The following RSU1 variants were observed in gnomAD, a reference collection of about 807,000 sequenced individuals.
RSU1 encodes the protein rsu-1.
Under a neutral mutation model 31.1 loss-of-function variants are expected in RSU1, and 26 were observed. That is an observed-to-expected ratio of 0.84 (90% confidence interval 0.61 to 1.16). RSU1 has a LOEUF of 1.16. Ranked by LOEUF, RSU1 falls within the 50% of genes most tolerant of loss-of-function variation. The pLI, the probability that RSU1 is intolerant of heterozygous loss-of-function variation, is 0.00. For missense variants in RSU1, 320 were observed against 339.1 expected (o/e 0.94, Z 0.44); for synonymous variants, 164 against 136.3 (o/e 1.20, Z -1.41).
intron 8 of RSU1, among the ~76,000 whole-genome samples, chr10:16,614,803 G>A (rs1264204157): frequency 6.6e-6 from 1 of 152,120 alleles, no homozygotes; most frequent in East Asian, 1.9e-4. Flanking sequence ...GAGCCACCGA[G>A]GCAAGAATCG....
At chr10:16,777,933 A>G (rs1027621880) in intron 3 of RSU1, among the ~76,000 whole-genome samples, 4 of 151,402 alleles carry the variant, frequency 2.6e-5, no homozygotes, top group African/African-American at 9.7e-5. Context: ...TGTGTGCCTG[A>G]GTAACACATC....
chr10:16,740,501 T>C lies in RSU1; in HGVS notation c.598+12038A>G, dbSNP rs538770094. Among the ~76,000 whole-genome samples, 368 of 152,066 alleles carry C rather than the reference T, an allele frequency of 2.4e-3. 1 individual carries two copies. The highest frequency in any genetic ancestry group is 8.6e-3 in the African/African-American group (358 of 41,490). ...GTACTAGAAGTTGCAGCCAAAGTAA[T>C]TGCCAAGAAAATAAAATTAAAGACA... is the stretch of plus-strand genomic sequence containing the variant. On this transcript the variant is annotated intron_variant, in intron 7 of 8. Transcript: ENST00000345264.
chr10:16,762,775 G>A (rs1423272589), intron 4 of RSU1, among the ~76,000 whole-genome samples: 4 of 152,114 alleles, frequency 2.6e-5, no homozygotes, highest in Admixed American at 2.6e-4. Flanking sequence ...CAGCACTTTG[G>A]GAGGCGGAGG....
At chr10:16,640,953 A>C (rs946021765) in intron 8 of RSU1, among the ~76,000 whole-genome samples, 2 of 152,256 alleles carry the variant, frequency 1.3e-5, no homozygotes, top group Non-Finnish European at 2.9e-5. Context: ...GGGTCCTCCC[A>C]CAGCATTATT....
At chr10:16,716,231 A>C (rs1460712179) in intron 7 of RSU1, among the ~76,000 whole-genome samples, 1 of 152,222 alleles carries the variant, frequency 6.6e-6, no homozygotes, top group African/African-American at 2.4e-5. Flanking sequence ...AGGCAGGCTA[A>C]GGGAGGTGGG....
chr10:16,724,736 C>T (rs926430295), intron 7 of RSU1, among the ~76,000 whole-genome samples: 1 of 152,188 alleles, frequency 6.6e-6, no homozygotes, highest in Admixed American at 6.5e-5. Flanking sequence ...CTGCCAGTCC[C>T]AAAGTGGGGA....
chr10:16,648,404 C>T (rs1834615862), intron 8 of RSU1, among the ~76,000 whole-genome samples: 1 of 152,200 alleles, frequency 6.6e-6, no homozygotes, highest in East Asian at 1.9e-4. Context: ...TTCTCAAATG[C>T]TAATGTGCTG....
intron 7 of RSU1, among the ~76,000 whole-genome samples, chr10:16,720,517 A>C (rs1361050261): frequency 6.6e-6 from 1 of 152,230 alleles, no homozygotes; most frequent in Non-Finnish European, 1.5e-5. Context: ...GAAGAACTCT[A>C]ATTTTATAGT....
chr10:16,805,922 T>C (rs1226755695), intron 2 of RSU1, among the ~76,000 whole-genome samples: 1 of 152,128 alleles, frequency 6.6e-6, no homozygotes, highest in Non-Finnish European at 1.5e-5. Flanking sequence ...CATTCTGTTA[T>C]GTATTTCCAT....
At chr10:16,768,674 C>T (rs1297601647) in intron 3 of RSU1, among the ~76,000 whole-genome samples, 6 of 152,172 alleles carry the variant, frequency 3.9e-5, no homozygotes, top group South Asian at 4.1e-4. Context: ...GCAGCAGTTC[C>T]GCCTAACACA....
Position 16,597,333 on chromosome 10 carries a change from T to G in RSU1, c.732-3837A>C, listed in dbSNP as rs113055401. Among the ~76,000 whole-genome samples, 1,068 of 152,320 alleles carry G rather than the reference T, an allele frequency of 7.0e-3. 11 individuals carry two copies. Among genetic ancestry groups the G allele is most frequent in the African/African-American group, 0.023 (949 of 41,574 alleles). On this transcript the variant is annotated intron_variant, in intron 8 of 8. Coordinates refer to ENST00000345264, the MANE Select transcript of RSU1 (RefSeq NM_012425.4). ...ACTGGAATGTTCCACTGTTTCAGTC[T>G]CTGCCTTTTTATATTCAGATCCCAC...
chr10:16,655,031 C>T (rs1834752723), intron 8 of RSU1, among the ~76,000 whole-genome samples: 1 of 131,862 alleles, frequency 7.6e-6, no homozygotes, highest in East Asian at 2.2e-4. Flanking sequence ...GCCTGGAGTG[C>T]TGGGCAACAA....
intron 8 of RSU1, among the ~76,000 whole-genome samples, chr10:16,648,210 C>G (rs1459701142): frequency 6.6e-6 from 1 of 151,820 alleles, no homozygotes; most frequent in Admixed American, 6.6e-5. Context: ...AAGCCATCCT[C>G]CTGCCTCCAC....
chr10:16,650,311 A>G (rs1002352714), intron 8 of RSU1, among the ~76,000 whole-genome samples: 1 of 152,202 alleles, frequency 6.6e-6, no homozygotes, highest in African/African-American at 2.4e-5. Flanking sequence ...AGTTTAAGTG[A>G]AGATTATACA....
chr10:16,705,121 G>C (rs994708814), intron 7 of RSU1, among the ~76,000 whole-genome samples: 1 of 152,070 alleles, frequency 6.6e-6, no homozygotes, highest in African/African-American at 2.4e-5. Context: ...GAATAACACA[G>C]CATTTTTTCT....
At chr10:16,608,712 C>A (rs530137880) in intron 8 of RSU1, among the ~76,000 whole-genome samples, 6 of 151,982 alleles carry the variant, frequency 3.9e-5, no homozygotes, top group African/African-American at 1.4e-4. Context: ...TGAACTCCAT[C>A]TCCTCTTTTT....
intron 7 of RSU1, among the ~76,000 whole-genome samples, chr10:16,718,563 T>C (rs1013961749): frequency 3.9e-5 from 6 of 152,142 alleles, no homozygotes; most frequent in Admixed American, 3.9e-4. Flanking sequence ...TAGCCAATGA[T>C]GACAATTTAA....
At chr10:16,752,147 G>A (rs1836992206) in intron 7 of RSU1, among the ~76,000 whole-genome samples, 2 of 152,148 alleles carry the variant, frequency 1.3e-5, no homozygotes, top group Non-Finnish European at 2.9e-5. Flanking sequence ...AAAAATTTAA[G>A]GGGTTAAAAA....
chr10:16,627,813 AG>A (rs1427303190), intron 8 of RSU1, among the ~76,000 whole-genome samples: 1 of 151,516 alleles, frequency 6.6e-6, no homozygotes. Flanking sequence ...CTGACTGCGG[AG>A]TCCAGCACAT....
Sources: gnomAD v4.1 joint callset for allele counts (sites outside exome capture counted in the v4.1 genomes callset) on GRCh38, gnomAD v4.1.1 for gene constraint, MANE v1.5 for transcripts, NCBI Gene and HGNC (gene_info 2026-07-23, HGNC 2026-07-21) for gene names.